Variants in ZNF516 observed in about 807,000 individuals in gnomAD.
ZNF516 encodes zinc finger protein 516.
Under a neutral mutation model 79.7 loss-of-function variants are expected in ZNF516, and 19 were observed. The observed-to-expected ratio is 0.24, with a 90% CI of 0.17 to 0.35. ZNF516 has a LOEUF of 0.35. Among genes scored for constraint, ZNF516 ranks in the 10% least tolerant of loss-of-function variants. The pLI is 1.00. For missense variants in ZNF516, 1,678 were observed against 1,679.5 expected (o/e 1.00, Z 0.02); for synonymous variants, 877 against 739.5 (o/e 1.19, Z -3.02).
In ZNF516 at chr18:76,379,124, AGAG is replaced by A; in HGVS notation, c.2987_2989del (p.Pro996del). ...CTTCGAGGGGGGCTCGCGGGGAGGT[AGAG>A]GAGGAGCGCCCCCTTCGCCCTTTGC... On this transcript the variant is annotated inframe_deletion, in exon 4 of 7. Transcript: ENST00000443185. 2 of 1,612,458 alleles carry A rather than the reference AGAG, an allele frequency of 1.2e-6. No individual in the cohort carries two copies. The highest frequency in any genetic ancestry group is 1.7e-6 in the Non-Finnish European group (2 of 1,179,644).
chr18:76,447,263 G>A (rs752930906), intron 2 of ZNF516, among the ~76,000 whole-genome samples: 22 of 152,336 alleles, frequency 1.4e-4, no homozygotes, highest in Non-Finnish European at 2.8e-4. Context: ...TTATTGGGAC[G>A]TCAGCGGCCC....
At chr18:76,482,260 G>A (rs143056365) in intron 1 of ZNF516, among the ~76,000 whole-genome samples, 35 of 152,284 alleles carry the variant, frequency 2.3e-4, no homozygotes, top group African/African-American at 7.2e-4. Flanking sequence ...ATCCTAAGAC[G>A]TACATATGTG....
At chr18:76,473,525 GGT>G (rs1913978031) in intron 1 of ZNF516, among the ~76,000 whole-genome samples, 2 of 152,144 alleles carry the variant, frequency 1.3e-5, no homozygotes, top group African/African-American at 4.8e-5. Flanking sequence ...TAGTTGGCTG[GGT>G]GCGGTGGCTC....
chr18:76,410,376 G>A (rs978710616), intron 3 of ZNF516, among the ~76,000 whole-genome samples: 2 of 152,188 alleles, frequency 1.3e-5, no homozygotes, highest in Admixed American at 6.5e-5. Context: ...AAGCGGTTTT[G>A]ACTGTGGCTT....
At chr18:76,369,021 T>C (rs778698249) in intron 6 of ZNF516, among the ~76,000 whole-genome samples, 1 of 152,150 alleles carries the variant, frequency 6.6e-6, no homozygotes, top group Non-Finnish European at 1.5e-5. Context: ...CTTTGGTGGG[T>C]TGAACGGGTC....
At chr18:76,424,783 C>G (rs1379171349) in intron 3 of ZNF516, among the ~76,000 whole-genome samples, 5 of 142,200 alleles carry the variant, frequency 3.5e-5, no homozygotes, top group Non-Finnish European at 4.6e-5. Flanking sequence ...AAAAGGTTCC[C>G]CCGAAACACA....
Position 76,479,046 on chromosome 18 carries a change from G to A in ZNF516, c.-271-15905C>T, listed in dbSNP as rs181845880. Among the ~76,000 whole-genome samples the A allele has an allele frequency of 4.8e-3, 720 of 149,388 alleles. 3 individuals are homozygous for A. The highest frequency in any genetic ancestry group is 7.7e-3 in the Non-Finnish European group (514 of 66,792). ...ACTCCAGCCTGGGTGACAAGAGTGAGATTCTGTCCAAAAAAAAAAAAGATC... is the reference window on the plus strand; with the variant it reads ...ACTCCAGCCTGGGTGACAAGAGTGAAATTCTGTCCAAAAAAAAAAAAGATC... On this transcript the variant is annotated intron_variant, in intron 1 of 6. Coordinates refer to ENST00000443185, the MANE Select transcript of ZNF516 (RefSeq NM_014643.4).
intron 2 of ZNF516, among the ~76,000 whole-genome samples, chr18:76,455,370 C>T (rs1406752119): frequency 6.6e-6 from 1 of 152,218 alleles, no homozygotes; most frequent in Non-Finnish European, 1.5e-5. Context: ...CACACAGCAA[C>T]ACACACAACC....
In ZNF516 at chr18:76,490,742, T is replaced by G. The variant is rs181194040; in HGVS notation, c.-272+4402A>C. On this transcript the variant is annotated intron_variant, in intron 1 of 6. Coordinates refer to ENST00000443185, the MANE Select transcript of ZNF516 (RefSeq NM_014643.4). ...GGGGGCAATGCCTTTCTGCTGTATGTGTAAGTAGGATCCCCACTAAAGTTC... is the reference window on the plus strand; with the variant it reads ...GGGGGCAATGCCTTTCTGCTGTATGGGTAAGTAGGATCCCCACTAAAGTTC... 1,724 of 984,364 alleles carry G rather than the reference T, an allele frequency of 1.8e-3. 1 individual carries two copies. Among genetic ancestry groups the G allele is most frequent in the Non-Finnish European group, 1.8e-3 (1,494 of 828,938 alleles). The allele number at this position is 984,364 out of a possible 1,614,324, so 61.0% of individuals were successfully genotyped here. A position where few individuals can be genotyped will look rare whatever the true frequency, so the allele number is the denominator to read the frequency against.
chr18:76,447,152 A>G (rs1023400948), intron 2 of ZNF516, among the ~76,000 whole-genome samples: 39 of 152,132 alleles, frequency 2.6e-4, no homozygotes, highest in African/African-American at 9.2e-4. Context: ...AAAAATTGCT[A>G]TTTAAGACAA....
chr18:76,367,719 C>T lies in ZNF516; in HGVS notation c.3432+2809G>A, dbSNP rs371675032. On this transcript the variant is annotated intron_variant, in intron 6 of 6. Coordinates refer to ENST00000443185, the MANE Select transcript of ZNF516 (RefSeq NM_014643.4). ...TCTGCCCTACTTCCTGTCTAAGCCA[C>T]CCATGGACCTTTTGAACCAGAGAAG... Among the ~76,000 whole-genome samples, 17 of 152,330 alleles carry T rather than the reference C, an allele frequency of 1.1e-4. No individual in the cohort carries two copies. In the East Asian group the frequency reaches 3.1e-3, roughly 28 times the overall value.
chr18:76,386,991 T>C (rs911749839), intron 3 of ZNF516: 3 of 152,236 alleles, frequency 2.0e-5, no homozygotes, highest in Admixed American at 6.5e-5. Context: ...TGGACTGATC[T>C]CTCGGCGCTG....
intron 1 of ZNF516, among the ~76,000 whole-genome samples, chr18:76,488,437 G>A (rs778074784): frequency 4.7e-5 from 7 of 148,598 alleles, no homozygotes; most frequent in Admixed American, 6.9e-5. Flanking sequence ...CCAGCTCCCC[G>A]AGCAGTGAAC....
chr18:76,452,256 A>C (rs1203203476), intron 2 of ZNF516, among the ~76,000 whole-genome samples: 2 of 152,210 alleles, frequency 1.3e-5, no homozygotes, highest in Non-Finnish European at 2.9e-5. Context: ...TCTGCTCAAA[A>C]CATTTATTCT....
intron 3 of ZNF516, among the ~76,000 whole-genome samples, chr18:76,403,773 C>T (rs2075262867): frequency 6.6e-6 from 1 of 152,290 alleles, no homozygotes; most frequent in East Asian, 1.9e-4. Context: ...AGGGCCTCAC[C>T]TTCTCCTATT....
At chr18:76,441,114 G>A (rs35764306) in intron 3 of ZNF516, 131 bp downstream of exon 3, 33,011 of 1,327,934 alleles carry the variant, frequency 0.025, 534 homozygotes, top group African/African-American at 0.053. Context: ...CTGAGCATAG[G>A]CCTAGCTGAG....
chr18:76,398,615 T>TG (rs1263542181), intron 3 of ZNF516, among the ~76,000 whole-genome samples: 1 of 145,942 alleles, frequency 6.9e-6, no homozygotes, highest in African/African-American at 2.5e-5. Flanking sequence ...TATGAAGGAA[T>TG]GGGGGCCTTT....
chr18:76,382,819 G>A (rs946017023), intron 3 of ZNF516, among the ~76,000 whole-genome samples: 4 of 152,158 alleles, frequency 2.6e-5, no homozygotes, highest in Non-Finnish European at 1.5e-5. Flanking sequence ...GCCCAGGAGA[G>A]CGGATCATTT....
intron 1 of ZNF516, among the ~76,000 whole-genome samples, chr18:76,485,785 T>C (rs1340485028): frequency 6.6e-6 from 1 of 151,666 alleles, no homozygotes; most frequent in Non-Finnish European, 1.5e-5. Context: ...CAGTTCTGCC[T>C]GTAGATAATT....
Sources: gnomAD v4.1 joint callset for allele counts (sites outside exome capture counted in the v4.1 genomes callset) on GRCh38, gnomAD v4.1.1 for gene constraint, MANE v1.5 for transcripts, NCBI Gene and HGNC (gene_info 2026-07-23, HGNC 2026-07-21) for gene names.